Variants in FBXO40 observed in about 807,000 individuals in gnomAD.
FBXO40 encodes F-box only protein 40.
In FBXO40, 50 loss-of-function variants were observed where a neutral mutation model predicts 49.9. That is an observed-to-expected ratio of 1.00 (90% CI 0.80 to 1.27). FBXO40 has a LOEUF of 1.27. Ranked by LOEUF, FBXO40 falls within the 50% of genes most tolerant of loss-of-function variation. FBXO40 has a pLI of 0.00. For synonymous variants in FBXO40, 340 were observed against 320.2 expected, an observed-to-expected ratio of 1.06 and a Z score of -0.66; for missense variants, 895 against 870.1, an observed-to-expected ratio of 1.03 and a Z score of -0.36.
chr3:121,617,473 T>C (rs1222360180), intron 1 of FBXO40, among the ~76,000 whole-genome samples: 1 of 152,004 alleles, frequency 6.6e-6, no homozygotes. Flanking sequence ...TGGGCACCTG[T>C]AATCCTAGCT....
chr3:121,610,465 A>T (rs1344394151), intron 1 of FBXO40, among the ~76,000 whole-genome samples: 1 of 152,088 alleles, frequency 6.6e-6, no homozygotes, highest in Non-Finnish European at 1.5e-5. Flanking sequence ...CAGTGTTAGT[A>T]TATTTCCTCA....
In FBXO40 at chr3:121,626,587, G is replaced by A. The variant is rs1301869831; in HGVS notation, c.1915-108G>A. On this transcript the variant is annotated intron_variant, in intron 3 of 3. Transcript: ENST00000338040. ...TGCAGGAGCCACTAAACACTCTGGA[G>A]TCTAAGAATATGAAGAACAGGAGGA... The A allele has an allele frequency of 3.3e-5, 33 of 989,784 alleles. No individual in the cohort carries two copies. The East Asian group carries it at 7.6e-4, about 23-fold the overall frequency. 61.3% of individuals were successfully genotyped at this position (989,784 alleles called of 1,614,324 possible).
intron 1 of FBXO40, among the ~76,000 whole-genome samples, chr3:121,613,903 T>C (rs1037277235): frequency 2.0e-5 from 3 of 152,104 alleles, no homozygotes; most frequent in African/African-American, 7.2e-5. Context: ...GAGGCCGAGG[T>C]GGGCAGATAA....
At chr3:121,604,366 A>C (rs986724112) in intron 1 of FBXO40, among the ~76,000 whole-genome samples, 1 of 152,242 alleles carries the variant, frequency 6.6e-6, no homozygotes, top group Non-Finnish European at 1.5e-5. Flanking sequence ...AGTACCATAC[A>C]TTGTGAATTA....
chr3:121,613,071 GAAA>G (rs34114730), intron 1 of FBXO40, among the ~76,000 whole-genome samples: 2 of 129,358 alleles, frequency 1.5e-5, no homozygotes, highest in Non-Finnish European at 3.2e-5. Context: ...CTCCGTCTCA[GAAA>G]AAAAAAAAAA....
intron 1 of FBXO40, among the ~76,000 whole-genome samples, chr3:121,611,834 G>T (rs899331623): frequency 6.6e-6 from 1 of 152,200 alleles, no homozygotes; most frequent in African/African-American, 2.4e-5. Context: ...AGAGAATGGC[G>T]ATGACCTTTA....
intron 1 of FBXO40, among the ~76,000 whole-genome samples, chr3:121,615,452 G>A (rs527271698): frequency 2.6e-5 from 4 of 151,096 alleles, no homozygotes; most frequent in East Asian, 2.0e-4. Flanking sequence ...GCTACTGGGA[G>A]GTTGAGGTGG....
chr3:121,612,275 C>T (rs1193780600), intron 1 of FBXO40, among the ~76,000 whole-genome samples: 7 of 152,182 alleles, frequency 4.6e-5, no homozygotes, highest in South Asian at 4.1e-4. Flanking sequence ...TCAACTTCGA[C>T]GGCTGGTAAG....
Position 121,627,547 on chromosome 3 carries a change from G to C in FBXO40, c.*637G>C, listed in dbSNP as rs951561275. 1.3e-4 allele frequency: 35 copies of C among 269,178 alleles called. No homozygotes were observed. The highest frequency in any genetic ancestry group is 2.1e-4 in the Admixed American group (4 of 18,664). The allele number at this position is 269,178 out of a possible 1,614,324, so 16.7% of individuals were successfully genotyped here. On this transcript the variant is annotated 3_prime_UTR_variant, in exon 4 of 4. Transcript: ENST00000338040. Reference sequence around the variant, plus strand: ...GGCCAAAACATGAGGGGCAGAAATGGGATCACAGAGTCTGTTGCTAGAATC... The same window carrying C: ...GGCCAAAACATGAGGGGCAGAAATGCGATCACAGAGTCTGTTGCTAGAATC...
chr3:121,614,433 C>T (rs1170886866), intron 1 of FBXO40, among the ~76,000 whole-genome samples: 3 of 150,942 alleles, frequency 2.0e-5, no homozygotes, highest in African/African-American at 4.9e-5. Flanking sequence ...CAGAGTGAGA[C>T]TCTGTCTCAA....
chr3:121,609,102 G>T (rs1385994253), intron 1 of FBXO40, among the ~76,000 whole-genome samples: 1 of 152,036 alleles, frequency 6.6e-6, no homozygotes, highest in African/African-American at 2.4e-5. Flanking sequence ...TAGGTTTCTT[G>T]GTATGGGGCT....
In FBXO40 at chr3:121,622,732, C is replaced by T. The variant is rs2049040436; in HGVS notation, c.1303C>T (p.Pro435Ser). ...DFATQTYNFEPEQFSSGTVLA... is the reference protein window; with the variant it reads ...DFATQTYNFESEQFSSGTVLA... Reference sequence around the variant, plus strand: ...TGCCACACAAACATACAACTTTGAGCCAGAACAGTTTTCCTCTGGGACAGT... The same window carrying T: ...TGCCACACAAACATACAACTTTGAGTCAGAACAGTTTTCCTCTGGGACAGT... Residue 435 changes from proline to serine, a missense_variant, in exon 3 of 4, where the codon CCA (proline) becomes TCA (serine). Transcript: ENST00000338040. 1 of 1,614,042 alleles carries T rather than the reference C, an allele frequency of 6.2e-7. No individual in the cohort carries two copies. The highest frequency in any genetic ancestry group is 1.7e-5 in the Admixed American group (1 of 60,006).
chr3:121,617,881 TC>T (rs746004161), intron 1 of FBXO40, among the ~76,000 whole-genome samples: 1 of 151,982 alleles, frequency 6.6e-6, no homozygotes, highest in Non-Finnish European at 1.5e-5. Context: ...CTGATTGTAA[TC>T]CCAGCTACTT....
chr3:121,620,623 G>C, intron 2 of FBXO40, 45 bp downstream of exon 2: 1 of 1,613,230 alleles, frequency 6.2e-7, no homozygotes, highest in Non-Finnish European at 8.5e-7. Flanking sequence ...GAGAGGTCCA[G>C]GTCTTCCTTC....
chr3:121,621,371 C>T (rs1196217530), intron 2 of FBXO40, 62 bp from the exon 3 acceptor site: 1 of 1,418,250 alleles, frequency 7.1e-7, no homozygotes, highest in East Asian at 2.3e-5. Flanking sequence ...CAGTCATAGA[C>T]ATGCATAGAG....
Position 121,622,757 on chromosome 3 carries a change from T to A in FBXO40, c.1328T>A (p.Val443Glu). 1 of 1,614,192 alleles carries A rather than the reference T, an allele frequency of 6.2e-7. No individual in the cohort carries two copies. The highest frequency in any genetic ancestry group is 8.5e-7 in the Non-Finnish European group (1 of 1,180,028). ...FEPEQFSSGT[V>E]LADLTAATPG... ...CCAGAACAGTTTTCCTCTGGGACAG[T>A]GCTGGCTGACCTAACCGCTGCCACC... The change falls in exon 3 of 4, where the codon GTG (valine) becomes GAG (glutamate). Residue 443 changes from valine (V) to glutamate (E), a missense_variant. Coordinates refer to ENST00000338040, the MANE Select transcript of FBXO40 (RefSeq NM_016298.4).
At chr3:121,597,965 T>C (rs1217219996) in intron 1 of FBXO40, among the ~76,000 whole-genome samples, 1 of 152,164 alleles carries the variant, frequency 6.6e-6, no homozygotes, top group African/African-American at 2.4e-5. Context: ...GCCCTGCTTA[T>C]AAGTCCTACT....
intron 3 of FBXO40, among the ~76,000 whole-genome samples, chr3:121,626,182 C>A (rs2049060772): frequency 6.6e-6 from 1 of 152,192 alleles, no homozygotes; most frequent in South Asian, 2.1e-4. Context: ...CAAATGACAT[C>A]TCTTCTTTCT....
chr3:121,622,816 T>C lies in FBXO40; in HGVS notation c.1387T>C (p.Cys463Arg), dbSNP rs751214057. The change falls in exon 3 of 4, where the codon TGT becomes CGT. Residue 463 changes from cysteine to arginine, a missense_variant. Transcript: ENST00000338040. ...ACTCCACGTGGAGCTCCACAGCGAG[T>C]GTGTGACCAGGAGACACAACAAAAG... ...GGLHVELHSECVTRRHNKSSS... is the reference protein window; with the variant it reads ...GGLHVELHSERVTRRHNKSSS... 1.2e-6 allele frequency: 2 copies of C among 1,614,050 alleles called. No homozygotes were observed. Among genetic ancestry groups the C allele is most frequent in the Non-Finnish European group, 1.7e-6 (2 of 1,180,010 alleles).
Sources: allele counts gnomAD v4.1 joint callset (sites outside exome capture counted in the v4.1 genomes callset), GRCh38; gene constraint gnomAD v4.1.1; transcripts MANE v1.5; gene names NCBI Gene and HGNC (gene_info 2026-07-23, HGNC 2026-07-21).